The following ADGRL2 variants were observed in gnomAD, a reference collection of about 807,000 sequenced individuals.
ADGRL2 encodes calcium-independent alpha-latrotoxin receptor 2.
ADGRL2 carries 44 observed loss-of-function variants against 157.4 expected under a neutral mutation model. The observed-to-expected ratio is 0.28, with a 90% CI of 0.22 to 0.36. The LOEUF (loss-of-function observed/expected upper bound fraction) is 0.36, where lower values mean the gene tolerates loss of function less well. Ranked by LOEUF, ADGRL2 falls within the 10% of genes least tolerant of loss-of-function variation. ADGRL2 has a pLI of 1.00. For missense variants in ADGRL2, 1,510 were observed against 1,768.9 expected, an observed-to-expected ratio of 0.85 and a Z score of 2.63; for synonymous variants, 585 against 624.7, an observed-to-expected ratio of 0.94 and a Z score of 0.95.
chr1:81,431,132 G>A (rs1311286524), intron 1 of ADGRL2, among the ~76,000 whole-genome samples: 4 of 152,034 alleles, frequency 2.6e-5, no homozygotes, highest in South Asian at 4.1e-4. Flanking sequence ...AGAACATCTG[G>A]GGCTCTCTCT....
At chr1:81,564,547 A>C (rs567129922) in intron 2 of ADGRL2, among the ~76,000 whole-genome samples, 1 of 152,318 alleles carries the variant, frequency 6.6e-6, no homozygotes, top group South Asian at 2.1e-4. Flanking sequence ...CAAACCAGAG[A>C]ATGGCATTAG....
intron 1 of ADGRL2, among the ~76,000 whole-genome samples, chr1:81,376,080 G>A (rs979408792): frequency 4.6e-5 from 7 of 152,268 alleles, no homozygotes; most frequent in South Asian, 4.1e-4. Context: ...TGGCATGGGC[G>A]CTGTTGGCTC....
chr1:81,798,692 T>A (rs1396007073), upstream of ADGRL2, among the ~76,000 whole-genome samples: 2 of 152,308 alleles, frequency 1.3e-5, no homozygotes, highest in South Asian at 2.1e-4. Context: ...GTCCTGAGCA[T>A]CAAAGAATGT....
At chr1:81,556,099 C>T (rs937081352) in intron 2 of ADGRL2, among the ~76,000 whole-genome samples, 14 of 151,998 alleles carry the variant, frequency 9.2e-5, no homozygotes, top group Admixed American at 4.6e-4. Context: ...TAACCCAAGA[C>T]ATTTTAATCC....
chr1:81,711,173 TC>T (rs1478270318), intron 1 of ADGRL2, among the ~76,000 whole-genome samples: 2 of 152,230 alleles, frequency 1.3e-5, no homozygotes, highest in African/African-American at 4.8e-5. Context: ...TACAAATTGT[TC>T]TTCAGGTTAC....
chr1:81,885,029 T>C (rs2151297161), intron 2 of ADGRL2, among the ~76,000 whole-genome samples: 1 of 152,252 alleles, frequency 6.6e-6, no homozygotes, highest in South Asian at 2.1e-4. Context: ...ATAATTAATA[T>C]AAAGCAAGGG....
chr1:81,441,581 A>G (rs2077507946), intron 1 of ADGRL2, among the ~76,000 whole-genome samples: 1 of 151,864 alleles, frequency 6.6e-6, no homozygotes, highest in Non-Finnish European at 1.5e-5. Flanking sequence ...CTGGAGTGCA[A>G]TGTTGCAATC....
At chr1:81,938,193 G>A (rs1346653398) in intron 4 of ADGRL2, among the ~76,000 whole-genome samples, 2 of 151,648 alleles carry the variant, frequency 1.3e-5, no homozygotes, top group Non-Finnish European at 3.0e-5. Context: ...TGTGCCACTA[G>A]AGGAACATTG....
At chr1:81,395,565 G>A (rs1318014534) in intron 1 of ADGRL2, among the ~76,000 whole-genome samples, 4 of 152,034 alleles carry the variant, frequency 2.6e-5, no homozygotes, top group African/African-American at 9.7e-5. Context: ...ATATAACCCC[G>A]TTTGTCTATT....
intron 1 of ADGRL2, chr1:81,721,707 A>G: frequency 7.3e-7 from 1 of 1,372,818 alleles, no homozygotes; most frequent in Non-Finnish European, 1.0e-6. Context: ...ACCCCCCGCA[A>G]AGTGAACGAG....
At chr1:81,451,344 A>G (rs1004833432) in intron 2 of ADGRL2, among the ~76,000 whole-genome samples, 6 of 152,194 alleles carry the variant, frequency 3.9e-5, no homozygotes, top group Non-Finnish European at 8.8e-5. Flanking sequence ...CAACAGTTAG[A>G]TTGCATTTTT....
chr1:81,597,902 T>C (rs1178920128), intron 3 of ADGRL2, among the ~76,000 whole-genome samples: 1 of 152,106 alleles, frequency 6.6e-6, no homozygotes, highest in East Asian at 1.9e-4. Context: ...TTCAAGGTGG[T>C]TTCCAATTTG....
At chr1:81,559,977 C>A (rs1287903124) in intron 2 of ADGRL2, among the ~76,000 whole-genome samples, 1 of 152,102 alleles carries the variant, frequency 6.6e-6, no homozygotes, top group Non-Finnish European at 1.5e-5. Flanking sequence ...AGCTAAATGT[C>A]TTCTTCTTAA....
intron 3 of ADGRL2, among the ~76,000 whole-genome samples, chr1:81,646,458 G>T (rs1007604054): frequency 1.1e-4 from 16 of 152,264 alleles, no homozygotes; most frequent in African/African-American, 3.9e-4. Flanking sequence ...TATGCTAATT[G>T]CTTCTCAAAT....
intron 2 of ADGRL2, among the ~76,000 whole-genome samples, chr1:81,533,527 C>A (rs1385609058): frequency 6.6e-6 from 1 of 152,158 alleles, no homozygotes; most frequent in East Asian, 1.9e-4. Context: ...AGAAATTAGG[C>A]CAAATCTTCC....
intron 2 of ADGRL2, among the ~76,000 whole-genome samples, chr1:81,789,523 T>C (rs2087224284): frequency 6.6e-6 from 1 of 151,726 alleles, no homozygotes; most frequent in Non-Finnish European, 1.5e-5. Flanking sequence ...GTCAGGAGAT[T>C]GAGACCATCC....
intron 3 of ADGRL2, among the ~76,000 whole-genome samples, chr1:81,628,037 C>A (rs1277412590): frequency 1.3e-5 from 2 of 152,126 alleles, no homozygotes; most frequent in African/African-American, 4.8e-5. Context: ...TTTGGAGCTG[C>A]TCTTTCAATG....
intron 2 of ADGRL2, among the ~76,000 whole-genome samples, chr1:81,895,074 C>T (rs1349665852): frequency 6.6e-6 from 1 of 152,144 alleles, no homozygotes; most frequent in Non-Finnish European, 1.5e-5. Flanking sequence ...GATATAGTGT[C>T]TTTCCTTTCT....
chr1:81,831,749 A>AT (rs1335398043), intron 1 of ADGRL2, among the ~76,000 whole-genome samples: 1 of 152,102 alleles, frequency 6.6e-6, no homozygotes, highest in Non-Finnish European at 1.5e-5. Flanking sequence ...AGGACGAGTT[A>AT]TTTTTAAAGT....
Sources: gnomAD v4.1 joint callset for allele counts (sites outside exome capture counted in the v4.1 genomes callset) on GRCh38, gnomAD v4.1.1 for gene constraint, MANE v1.5 for transcripts, NCBI Gene and HGNC (gene_info 2026-07-23, HGNC 2026-07-21) for gene names.